ARHGEF38: variants seen among roughly 807,000 people sequenced by gnomAD.
The protein encoded by ARHGEF38 is Rho guanine nucleotide exchange factor (GEF) 38.
ARHGEF38 carries 79 observed loss-of-function variants against 79.9 expected under a neutral mutation model. The ratio of observed to expected loss-of-function variants is 0.99; its 90% confidence interval spans 0.82 to 1.19. The LOEUF is 1.19. Ranked by LOEUF, ARHGEF38 falls within the 50% of genes most tolerant of loss-of-function variation. The probability of loss-of-function intolerance (pLI) is 0.00; values close to 1 mark genes in which losing one functional copy is unlikely to be tolerated. For missense variants in ARHGEF38, 962 were observed against 907.2 expected, an observed-to-expected ratio of 1.06 and a Z score of -0.78; for synonymous variants, 366 against 328.3, an observed-to-expected ratio of 1.11 and a Z score of -1.24.
rs186756543 is a variant in ARHGEF38, at chr4:105,587,682, G to C, written c.197-1566G>C. 1.2e-3 allele frequency among the ~76,000 whole-genome samples: 176 copies of C among 152,162 alleles called. 1 individual carries two copies. The highest frequency in any genetic ancestry group is 4.0e-3 in the African/African-American group (166 of 41,514). ...TCACCGTGTTAGCCAGGATGATCTC[G>C]ATCTCCTGACCTTGTGATCTGCCTG... On this transcript the variant is annotated intron_variant, in intron 1 of 13. Transcript: ENST00000420470.
intron 1 of ARHGEF38, among the ~76,000 whole-genome samples, chr4:105,587,337 C>T (rs1727101864): frequency 1.3e-5 from 2 of 152,160 alleles, no homozygotes; most frequent in South Asian, 4.1e-4. Context: ...AACAAATTAG[C>T]AAGCACCCCC....
chr4:105,612,525 C>T (rs1375150552), intron 2 of ARHGEF38, among the ~76,000 whole-genome samples: 5 of 152,092 alleles, frequency 3.3e-5, no homozygotes, highest in Admixed American at 6.6e-5. Flanking sequence ...GTAGAGCCTG[C>T]ACCAATACGG....
Position 105,677,908 on chromosome 4 carries a change from A to G in ARHGEF38, c.2305A>G (p.Asn769Asp). 6.5e-7 allele frequency: 1 copy of G among 1,531,520 alleles called. No individual in the cohort carries two copies. 94.9% of individuals were successfully genotyped at this position (1,531,520 alleles called of 1,614,324 possible). A position where few individuals can be genotyped will look rare whatever the true frequency, so the allele number is the denominator to read the frequency against. The change falls in exon 14 of 14, where the codon AAC (asparagine) becomes GAC (aspartate). Residue 769 changes from asparagine (N) to aspartate (D), a missense_variant. Physicochemically the swap from Asn to Asp is conservative, Grantham distance 23. Coordinates refer to ENST00000420470, the MANE Select transcript of ARHGEF38 (RefSeq NM_001242729.2). ...AQGQKGYVPA[N>D]YLGKMTYA ...AGGGCAGAAAGGATACGTGCCAGCT[A>G]ACTACCTTGGAAAGATGACTTATGC...
intron 2 of ARHGEF38, among the ~76,000 whole-genome samples, chr4:105,600,428 G>T (rs1210453066): frequency 6.6e-6 from 1 of 152,110 alleles, no homozygotes; most frequent in Non-Finnish European, 1.5e-5. Flanking sequence ...CACACTCTTT[G>T]TTCTCCCCCT....
At chr4:105,582,275 A>G (rs1245609326) in intron 1 of ARHGEF38, among the ~76,000 whole-genome samples, 1 of 146,622 alleles carries the variant, frequency 6.8e-6, no homozygotes, top group South Asian at 2.1e-4. Flanking sequence ...AATTTCCTTT[A>G]TTCTATTTTC....
intron 3 of ARHGEF38, among the ~76,000 whole-genome samples, chr4:105,628,266 C>T (rs569783304): frequency 6.6e-6 from 1 of 152,270 alleles, no homozygotes; most frequent in East Asian, 1.9e-4. Context: ...TTGTAGTAAG[C>T]ACACTTATTT....
intron 5 of ARHGEF38, among the ~76,000 whole-genome samples, chr4:105,640,485 T>C (rs77288921): frequency 0.069 from 10,458 of 152,078 alleles, 357 homozygotes; most frequent in Middle Eastern, 0.099. Context: ...ATCAATTTCA[T>C]CTCCCCAAAA....
At chr4:105,565,382 C>A (rs895889875) in intron 1 of ARHGEF38, among the ~76,000 whole-genome samples, 2 of 152,106 alleles carry the variant, frequency 1.3e-5, no homozygotes, top group African/African-American at 2.4e-5. Context: ...TGATTTTAAA[C>A]GATAAAAGAT....
Position 105,648,582 on chromosome 4 carries a change from C to T in ARHGEF38, c.908C>T (p.Ser303Leu). 1 of 1,524,100 alleles carries T rather than the reference C, an allele frequency of 6.6e-7. No homozygotes were observed. Among genetic ancestry groups the T allele is most frequent in the African/African-American group, 1.4e-5 (1 of 72,414 alleles). 94.4% of individuals were successfully genotyped at this position (1,524,100 alleles called of 1,614,324 possible). Residue 303 changes from serine (S) to leucine (L), a missense_variant, in exon 7 of 14, where the codon TCA becomes TTA. Physicochemically the swap from Ser to Leu is moderately radical, Grantham distance 145. Transcript: ENST00000420470. ...TACAAGAAGAATGACGAGGATGAAT[C>T]ACTTAAAGACAAATTGTCTAAACTA... ...LKYKKNDEDE[S>L]LKDKLSKLNI...
At chr4:105,566,752 CT>C (rs70938197) in intron 1 of ARHGEF38, among the ~76,000 whole-genome samples, 67 of 140,830 alleles carry the variant, frequency 4.8e-4, no homozygotes, top group Admixed American at 1.4e-3. Flanking sequence ...TGGCAGCCAT[CT>C]TTTTTTTTTT....
rs192259337 is a variant in ARHGEF38, at chr4:105,603,908, G to A, written c.385-9476G>A. Among the ~76,000 whole-genome samples, 28 of 152,248 alleles carry A rather than the reference G, an allele frequency of 1.8e-4. No individual in the cohort carries two copies. In the South Asian group the frequency reaches 4.4e-3, roughly 24 times the overall value. ...TTCTGCATATGGCAAACCATCTCCC[G>A]CTCACTTTGGTATCTGATAGCTAAG... On this transcript the variant is annotated intron_variant, in intron 2 of 13. Coordinates refer to ENST00000420470, the MANE Select transcript of ARHGEF38 (RefSeq NM_001242729.2).
At chr4:105,591,492 G>C (rs879842732) in intron 2 of ARHGEF38, among the ~76,000 whole-genome samples, 1 of 152,194 alleles carries the variant, frequency 6.6e-6, no homozygotes, top group Non-Finnish European at 1.5e-5. Flanking sequence ...GCCTCCCAAA[G>C]TGCTGGGATT....
chr4:105,658,677 TC>T (rs1489681450), intron 9 of ARHGEF38, among the ~76,000 whole-genome samples: 3 of 151,680 alleles, frequency 2.0e-5, no homozygotes, highest in Non-Finnish European at 4.4e-5. Flanking sequence ...GGCTAGAGAT[TC>T]CCCCCTACCC....
intron 1 of ARHGEF38, among the ~76,000 whole-genome samples, chr4:105,585,002 C>A (rs915966994): frequency 6.6e-6 from 1 of 152,108 alleles, no homozygotes; most frequent in Non-Finnish European, 1.5e-5. Flanking sequence ...GACTTTCCTC[C>A]GAAAGCAGCA....
At chr4:105,615,189 G>A (rs1043329070) in intron 3 of ARHGEF38, among the ~76,000 whole-genome samples, 1 of 152,156 alleles carries the variant, frequency 6.6e-6, no homozygotes, top group African/African-American at 2.4e-5. Context: ...AAATGAACCT[G>A]AAAGTGCAGA....
intron 1 of ARHGEF38, among the ~76,000 whole-genome samples, chr4:105,569,205 T>C (rs1225234800): frequency 6.6e-6 from 1 of 152,200 alleles, no homozygotes; most frequent in African/African-American, 2.4e-5. Context: ...CAGAAACTTA[T>C]TTGCATTGGT....
In ARHGEF38 at chr4:105,575,721, G is replaced by A. The variant is rs1266403041; in HGVS notation, c.197-13527G>A. Among the ~76,000 whole-genome samples the A allele has an allele frequency of 1.3e-5, 2 of 151,772 alleles. 1 individual carries two copies. Among genetic ancestry groups the A allele is most frequent in the Non-Finnish European group, 2.9e-5 (2 of 67,934 alleles). On this transcript the variant is annotated intron_variant, in intron 1 of 13. Transcript: ENST00000420470. The stretch of plus-strand genomic sequence containing the variant: ...TTAGGGTTTTAGTCATAAATACTTT[G>A]CCTAGGCCAACGTCCAGAAGAGTTT...
chr4:105,665,575 A>G (rs1268503443), intron 10 of ARHGEF38, among the ~76,000 whole-genome samples: 5 of 151,706 alleles, frequency 3.3e-5, no homozygotes, highest in African/African-American at 7.3e-5. Context: ...TAGCTGAACT[A>G]CAGGCATGTA....
intron 1 of ARHGEF38, among the ~76,000 whole-genome samples, chr4:105,567,696 T>C (rs1725998287): frequency 2.0e-5 from 3 of 152,216 alleles, no homozygotes. Flanking sequence ...TTTATTCATT[T>C]AATATACACA....
Sources: allele counts gnomAD v4.1 joint callset (sites outside exome capture counted in the v4.1 genomes callset), GRCh38; gene constraint gnomAD v4.1.1; transcripts MANE v1.5; gene names NCBI Gene and HGNC (gene_info 2026-07-23, HGNC 2026-07-21).